Variants in BMPER observed in about 807,000 individuals in gnomAD.
BMPER encodes BMP-binding endothelial regulator protein.
BMPER carries 45 observed loss-of-function variants against 87.3 expected under a neutral mutation model. The ratio of observed to expected loss-of-function variants is 0.52; its 90% confidence interval spans 0.41 to 0.66. The LOEUF (loss-of-function observed/expected upper bound fraction) is 0.66. Ranked by LOEUF, BMPER falls within the 30% of genes least tolerant of loss-of-function variation. BMPER has a pLI of 0.00. For synonymous variants in BMPER, 326 were observed against 316.2 expected (o/e 1.03, Z -0.33); for missense variants, 784 against 867.5 (o/e 0.90, Z 1.21).
chr7:33,972,448 C>G (rs1489527414), intron 5 of BMPER, among the ~76,000 whole-genome samples: 2 of 152,304 alleles, frequency 1.3e-5, no homozygotes, highest in East Asian at 1.9e-4. Context: ...TTCTTCCACT[C>G]TCTTTTTGGT....
chr7:34,146,107 A>G (rs150779095), intron 14 of BMPER, among the ~76,000 whole-genome samples: 2 of 152,138 alleles, frequency 1.3e-5, no homozygotes, highest in African/African-American at 4.8e-5. Flanking sequence ...CAGTTGGTAC[A>G]TGAAGAAATA....
intron 6 of BMPER, among the ~76,000 whole-genome samples, chr7:33,990,355 G>T (rs879800920): frequency 0.064 from 8,744 of 136,064 alleles, 281 homozygotes; most frequent in Middle Eastern, 0.12. Context: ...GGATTCCTAG[G>T]TATTTTATTC....
intron 6 of BMPER, among the ~76,000 whole-genome samples, chr7:33,992,925 T>A (rs1786269740): frequency 7.0e-6 from 1 of 143,852 alleles, no homozygotes; most frequent in South Asian, 2.4e-4. Context: ...TTCTTTTCTT[T>A]AAGAATGTTG....
chr7:34,144,334 G>A (rs1328374872), intron 14 of BMPER, among the ~76,000 whole-genome samples: 6 of 151,686 alleles, frequency 4.0e-5, no homozygotes, highest in South Asian at 2.1e-4. Flanking sequence ...GCTGAATCAC[G>A]CAGGACTTGG....
chr7:33,979,165 G>A (rs1164819247), intron 6 of BMPER, among the ~76,000 whole-genome samples: 6 of 151,946 alleles, frequency 3.9e-5, no homozygotes, highest in South Asian at 4.2e-4. Context: ...ATGTGCATAC[G>A]CATATGCATA....
chr7:33,992,204 G>A (rs1786242040), intron 6 of BMPER, among the ~76,000 whole-genome samples: 1 of 142,364 alleles, frequency 7.0e-6, no homozygotes, highest in African/African-American at 2.6e-5. Context: ...TCTGTCTAAT[G>A]TTGACAGTGG....
chr7:33,913,476 A>G (rs1460025097), intron 2 of BMPER, among the ~76,000 whole-genome samples: 1 of 152,088 alleles, frequency 6.6e-6, no homozygotes, highest in African/African-American at 2.4e-5. Flanking sequence ...TGGACAACAG[A>G]CTGCAGCGAT....
intron 6 of BMPER, among the ~76,000 whole-genome samples, chr7:33,979,087 G>A (rs1436933525): frequency 1.3e-5 from 2 of 152,084 alleles, no homozygotes; most frequent in Non-Finnish European, 2.9e-5. Context: ...ACATATGTGT[G>A]CATAAGTGTC....
At chr7:33,927,831 TCTA>T in intron 2 of BMPER, among the ~76,000 whole-genome samples, 1 of 152,332 alleles carries the variant, frequency 6.6e-6, no homozygotes, top group African/African-American at 2.4e-5. Flanking sequence ...TTCATCATCT[TCTA>T]CTTAGTTCAA....
At chr7:33,917,215 C>T (rs1334749000) in intron 2 of BMPER, among the ~76,000 whole-genome samples, 2 of 152,188 alleles carry the variant, frequency 1.3e-5, no homozygotes, top group African/African-American at 4.8e-5. Context: ...CTGGCATTCT[C>T]CAGTCATTTC....
chr7:33,906,829 A>C lies in BMPER; in HGVS notation c.145A>C (p.Lys49Gln). The C allele has an allele frequency of 6.2e-7, 1 of 1,613,762 alleles. No individual in the cohort carries two copies. Among genetic ancestry groups the C allele is most frequent in the Non-Finnish European group, 8.5e-7 (1 of 1,179,732 alleles). ...CCCCTGAATTTCAGGTTCTGTTGCA[A>C]AATGTGAAAATGAAGGTGAAGTCCT... is the stretch of plus-strand genomic sequence containing the variant. ...ASSFLTGSVA[K>Q]CENEGEVLQI... The change falls in exon 2 of 15, where the codon AAA becomes CAA. Residue 49 changes from lysine (K) to glutamine (Q), a missense_variant. Lys to Gln is a moderately conservative substitution (Grantham distance 53, BLOSUM62 1). Transcript: ENST00000649409.
At chr7:34,146,066 C>T (rs1430539017) in intron 14 of BMPER, among the ~76,000 whole-genome samples, 1 of 152,010 alleles carries the variant, frequency 6.6e-6, no homozygotes, top group East Asian at 1.9e-4. Context: ...CACACACGCA[C>T]ACACACACAT....
At chr7:34,129,805 T>C (rs999367747) in intron 13 of BMPER, among the ~76,000 whole-genome samples, 1 of 152,270 alleles carries the variant, frequency 6.6e-6, no homozygotes, top group African/African-American at 2.4e-5. Flanking sequence ...TTGTCCCTTG[T>C]CTGGAGTCTT....
intron 14 of BMPER, among the ~76,000 whole-genome samples, chr7:34,145,219 A>G (rs1459719060): frequency 6.6e-6 from 1 of 152,076 alleles, no homozygotes; most frequent in Non-Finnish European, 1.5e-5. Flanking sequence ...GGGAGGTAGG[A>G]TGATGGATTT....
intron 6 of BMPER, among the ~76,000 whole-genome samples, chr7:33,979,217 C>CT (rs1414444787): frequency 2.0e-5 from 3 of 151,924 alleles, no homozygotes; most frequent in Admixed American, 2.0e-4. Flanking sequence ...AAACCTTTAG[C>CT]TTTTTCCCAA....
At chr7:34,139,982 T>C (rs1790821636) in intron 13 of BMPER, among the ~76,000 whole-genome samples, 1 of 152,212 alleles carries the variant, frequency 6.6e-6, no homozygotes. Flanking sequence ...AGAACCTTTC[T>C]CTGGGCTGTG....
chr7:34,149,595 T>C (rs570102594), intron 14 of BMPER, among the ~76,000 whole-genome samples: 16 of 151,434 alleles, frequency 1.1e-4, no homozygotes, highest in African/African-American at 3.6e-4. Flanking sequence ...TTCCAGGAGG[T>C]GATGTGAACA....
At chr7:33,994,932 C>T (rs1786360811) in intron 6 of BMPER, among the ~76,000 whole-genome samples, 1 of 152,118 alleles carries the variant, frequency 6.6e-6, no homozygotes, top group South Asian at 2.1e-4. Flanking sequence ...CCTTCACTTT[C>T]CCAGGAAGCA....
chr7:33,937,453 C>T, intron 3 of BMPER, 65 bp downstream of exon 3: 1 of 1,524,676 alleles, frequency 6.6e-7, no homozygotes, highest in Non-Finnish European at 9.1e-7. Flanking sequence ...TTCTCTTTCT[C>T]TCACCTTCCT....
Sources: allele counts gnomAD v4.1 joint callset (sites outside exome capture counted in the v4.1 genomes callset), GRCh38; gene constraint gnomAD v4.1.1; transcripts MANE v1.5; gene names NCBI Gene and HGNC (gene_info 2026-07-23, HGNC 2026-07-21).